MYO5C: variants seen among roughly 807,000 people sequenced by gnomAD.
MYO5C encodes unconventional myosin-Vc.
Under a neutral mutation model 235.7 loss-of-function variants are expected in MYO5C, and 194 were observed. That is an observed-to-expected ratio of 0.82 (90% CI 0.73 to 0.93). The LOEUF (loss-of-function observed/expected upper bound fraction) is 0.93, where lower values mean the gene tolerates loss of function less well. Among genes scored for constraint, MYO5C ranks in the 40% least tolerant of loss-of-function variants. MYO5C has a pLI of 0.00. For synonymous variants in MYO5C, 707 were observed against 754.8 expected (o/e 0.94, Z 1.04); for missense variants, 2,038 against 2,127.2 (o/e 0.96, Z 0.82).
At chr15:52,245,295 T>C in intron 18 of MYO5C, 59 bp downstream of exon 18, 1 of 1,093,270 alleles carries the variant, frequency 9.1e-7, no homozygotes, top group Non-Finnish European at 1.4e-6. Context: ...TGAAACAGCA[T>C]GTTTGGGAGA....
At chr15:52,259,619 C>A (rs1415063605) in intron 10 of MYO5C, among the ~76,000 whole-genome samples, 1 of 152,192 alleles carries the variant, frequency 6.6e-6, no homozygotes, top group East Asian at 1.9e-4. Context: ...ACTGGCTGCT[C>A]AAACACTTTC....
At chr15:52,264,828 C>T (rs564223459) in intron 8 of MYO5C, among the ~76,000 whole-genome samples, 13 of 152,240 alleles carry the variant, frequency 8.5e-5, no homozygotes, top group South Asian at 4.1e-4. Flanking sequence ...GAGAGAGGAG[C>T]GGAGAAGGTT....
chr15:52,244,016 T>C lies in MYO5C; in HGVS notation c.2390+340A>G, dbSNP rs74015642. ...CTTTGGATCTTCACTAGGGCCTTGC[T>C]GATCTTATGCATTTTCAGTTCCCAT... On this transcript the variant is annotated intron_variant, in intron 19 of 40. Transcript: ENST00000261839. Among the ~76,000 whole-genome samples, 355 of 152,336 alleles carry C rather than the reference T, an allele frequency of 2.3e-3. 1 individual carries two copies. The highest frequency in any genetic ancestry group is 8.1e-3 in the African/African-American group (338 of 41,582).
chr15:52,252,154 C>T (rs1386888747), intron 12 of MYO5C, among the ~76,000 whole-genome samples: 1 of 152,022 alleles, frequency 6.6e-6, no homozygotes, highest in Non-Finnish European at 1.5e-5. Flanking sequence ...AATGGTCACA[C>T]AATGACTTTA....
chr15:52,267,108 G>A (rs2036830781), intron 8 of MYO5C, among the ~76,000 whole-genome samples: 1 of 152,222 alleles, frequency 6.6e-6, no homozygotes, highest in Non-Finnish European at 1.5e-5. Context: ...ACTGAGGAAC[G>A]TGATGTGGAA....
At chr15:52,295,336 C>G (rs2037477421) in intron 1 of MYO5C, among the ~76,000 whole-genome samples, 1 of 152,162 alleles carries the variant, frequency 6.6e-6, no homozygotes, top group Admixed American at 6.5e-5. Flanking sequence ...CAGGGTCTTC[C>G]CACCCACAGG....
intron 38 of MYO5C, among the ~76,000 whole-genome samples, chr15:52,202,043 T>C (rs2035199531): frequency 6.6e-6 from 1 of 151,940 alleles, no homozygotes; most frequent in African/African-American, 2.4e-5. Context: ...ATTAATAAAA[T>C]GGTAATCCTA....
chr15:52,288,447 A>C (rs1481317076), intron 1 of MYO5C, among the ~76,000 whole-genome samples: 2 of 152,180 alleles, frequency 1.3e-5, no homozygotes, highest in African/African-American at 4.8e-5. Flanking sequence ...TCCTCAGCCC[A>C]GTACCCCAGG....
Position 52,195,367 on chromosome 15 carries a change from A to G in MYO5C, c.5076+10T>C. On this transcript the variant is annotated intron_variant, in intron 40 of 40. Coordinates refer to ENST00000261839, the MANE Select transcript of MYO5C (RefSeq NM_018728.4). Reference sequence around the variant, plus strand: ...AGTAAAATTAAAAGGCACATCCTTAAGAATCTCACCTGTACTTTGCGAACA... The same window carrying G: ...AGTAAAATTAAAAGGCACATCCTTAGGAATCTCACCTGTACTTTGCGAACA... 6.3e-7 allele frequency: 1 copy of G among 1,591,174 alleles called. No homozygotes were observed. The highest frequency in any genetic ancestry group is 1.1e-5 in the South Asian group (1 of 89,222).
chr15:52,252,928 G>A (rs972244233), intron 12 of MYO5C, among the ~76,000 whole-genome samples: 36 of 152,302 alleles, frequency 2.4e-4, no homozygotes, highest in African/African-American at 8.4e-4. Flanking sequence ...AAGCTCTTCT[G>A]GTGAATCATA....
In MYO5C at chr15:52,245,984, G is replaced by T. The variant is rs766968141; in HGVS notation, c.2038C>A (p.Arg680Ser). The stretch of plus-strand genomic sequence containing the variant: ...GAAGGGTAGCTCTGTGCACTAATGC[G>T]AATCGTTTCTAAAACGCCGCAGGCT... Reference protein sequence around the residue: ...LRACGVLETIRISAQSYPSRW... With the variant: ...LRACGVLETISISAQSYPSRW... Residue 680 changes from arginine (R) to serine (S), a missense_variant, in exon 17 of 41, where the codon CGC (arginine) becomes AGC (serine). By Grantham distance (110) the Arg-to-Ser change is moderately radical. Coordinates refer to ENST00000261839, the MANE Select transcript of MYO5C (RefSeq NM_018728.4). The T allele has an allele frequency of 1.9e-6, 3 of 1,614,156 alleles. No individual in the cohort carries two copies. The highest frequency in any genetic ancestry group is 2.7e-5 in the African/African-American group (2 of 75,042).
chr15:52,282,860 T>A lies in MYO5C; in HGVS notation c.60A>T (p.Glu20Asp). ...YNRVWIPDPE[E>D]VWKSAEIAKD... ...TGGCTATTTCAGCAGACTTCCAAACTTCTTCAGGATCGGGAATCCAGACCC... is the reference window on the plus strand; with the variant it reads ...TGGCTATTTCAGCAGACTTCCAAACATCTTCAGGATCGGGAATCCAGACCC... Residue 20 changes from glutamate to aspartate, a missense_variant, in exon 2 of 41, where the codon GAA becomes GAT. Glu to Asp is a conservative substitution (Grantham distance 45). Transcript: ENST00000261839. The A allele has an allele frequency of 6.2e-7, 1 of 1,614,056 alleles. No individual in the cohort carries two copies.
chr15:52,281,318 A>C (rs1422212451), intron 2 of MYO5C, among the ~76,000 whole-genome samples: 1 of 152,202 alleles, frequency 6.6e-6, no homozygotes, highest in African/African-American at 2.4e-5. Context: ...GGTTGAGCTA[A>C]AGAGAGGTCT....
intron 20 of MYO5C, among the ~76,000 whole-genome samples, chr15:52,241,512 G>C (rs1207545454): frequency 6.6e-6 from 1 of 152,072 alleles, no homozygotes; most frequent in Non-Finnish European, 1.5e-5. Flanking sequence ...ACTCACCTCG[G>C]CCTCCCACAG....
chr15:52,195,504 T>A (rs765091040), intron 39 of MYO5C, 47 bp from the exon 40 acceptor site: 3 of 1,305,004 alleles, frequency 2.3e-6, no homozygotes, highest in East Asian at 4.9e-5. Context: ...AAATAATAAC[T>A]CTGTTCATAA....
intron 17 of MYO5C, 116 bp from the exon 18 acceptor site, chr15:52,245,581 T>C: frequency 1.0e-5 from 8 of 773,424 alleles, no homozygotes; most frequent in East Asian, 7.4e-5. Flanking sequence ...CAATCTGTCC[T>C]GAGGATAAAG....
intron 4 of MYO5C, among the ~76,000 whole-genome samples, chr15:52,276,437 C>A (rs577381368): frequency 6.6e-6 from 1 of 152,318 alleles, no homozygotes; most frequent in South Asian, 2.1e-4. Flanking sequence ...GCCAGGGAAG[C>A]TCATTAGAGA....
At chr15:52,223,431 G>T in intron 29 of MYO5C, 113 bp downstream of exon 29, 1 of 1,060,432 alleles carries the variant, frequency 9.4e-7, no homozygotes, top group Non-Finnish European at 1.4e-6. Flanking sequence ...TTCACTTCTG[G>T]AAAAAGTAAT....
chr15:52,234,445 G>T (rs2036032655), intron 23 of MYO5C, among the ~76,000 whole-genome samples: 1 of 151,658 alleles, frequency 6.6e-6, no homozygotes, highest in South Asian at 2.1e-4. Flanking sequence ...ATATTCCTGA[G>T]AATTTAAATG....
Sources: allele counts gnomAD v4.1 joint callset (sites outside exome capture counted in the v4.1 genomes callset), GRCh38; gene constraint gnomAD v4.1.1; transcripts MANE v1.5; gene names NCBI Gene and HGNC (gene_info 2026-07-23, HGNC 2026-07-21).